POU2F2: variants seen among roughly 807,000 people sequenced by gnomAD.
The protein encoded by POU2F2 is POU domain, class 2, transcription factor 2.
POU2F2 carries 14 observed loss-of-function variants against 63.5 expected under a neutral mutation model. The ratio of observed to expected loss-of-function variants is 0.22; its 90% confidence interval spans 0.15 to 0.34. The LOEUF is 0.34. POU2F2 is among the 10% of genes least tolerant of loss of function. POU2F2 has a pLI of 1.00. For missense variants in POU2F2, 607 were observed against 815.2 expected (o/e 0.74, Z 3.11); for synonymous variants, 306 against 348.6 (o/e 0.88, Z 1.36).
chr19:42,111,582 C>G (rs1384486443), intron 5 of POU2F2, among the ~76,000 whole-genome samples: 1 of 152,164 alleles, frequency 6.6e-6, no homozygotes, highest in Admixed American at 6.5e-5. Context: ...TCTACCCCAG[C>G]CTTCCAAAAC....
intron 2 of POU2F2, among the ~76,000 whole-genome samples, chr19:42,137,963 A>C (rs1430705561): frequency 6.6e-6 from 1 of 152,158 alleles, no homozygotes; most frequent in Non-Finnish European, 1.5e-5. Flanking sequence ...AGAAGAGAAG[A>C]TAGGAGACGA....
chr19:42,166,647 G>A (rs1486170532), intron 1 of POU2F2, among the ~76,000 whole-genome samples: 3 of 152,146 alleles, frequency 2.0e-5, no homozygotes, highest in Non-Finnish European at 2.9e-5. Flanking sequence ...GGGGTGAGCA[G>A]ATCTGACAAT....
rs755316278 is a variant in POU2F2 at position 42,117,334 on chromosome 19, G to A, written c.285C>T (p.Ala95=). The change falls in exon 5 of 15, where the codon GCC becomes GCT. Residue 95 remains alanine (A), a synonymous_variant. Transcript: ENST00000692977. The surrounding 1 kb of genome is among the most constrained non-coding windows in gnomAD (Gnocchi z 4.4). ...IKAEDPSGDS[A]PAAPLPPQPA... is the part of the protein sequence containing the mutation. The stretch of plus-strand genomic sequence containing the variant: ...GCTGAGGGGGCAGGGGTGCTGCTGG[G>A]GCTGAATCGCCACTGGGGTCTTCAG... 6.5e-7 allele frequency: 1 copy of A among 1,529,410 alleles called. No individual in the cohort carries two copies. The highest frequency in any genetic ancestry group is 1.5e-5 in the African/African-American group (1 of 68,642). 94.7% of individuals were successfully genotyped at this position (1,529,410 alleles called of 1,614,324 possible).
chr19:42,148,366 G>A (rs1425276027), intron 2 of POU2F2, among the ~76,000 whole-genome samples: 1 of 152,192 alleles, frequency 6.6e-6, no homozygotes, highest in Non-Finnish European at 1.5e-5. Flanking sequence ...TCAGGCATAA[G>A]CAAGCATATA....
upstream of POU2F2, among the ~76,000 whole-genome samples, chr19:42,179,235 G>A (rs561546582): frequency 1.3e-5 from 2 of 152,110 alleles, no homozygotes; most frequent in Non-Finnish European, 2.9e-5. Flanking sequence ...AAGAACAGCA[G>A]AAAGGAGAGG....
At chr19:42,127,712 T>G (rs999514150) in intron 1 of POU2F2, among the ~76,000 whole-genome samples, 2 of 152,032 alleles carry the variant, frequency 1.3e-5, no homozygotes, top group African/African-American at 4.8e-5. Flanking sequence ...ACCACCACCT[T>G]GATGCCCCCA....
chr19:42,105,457 C>G (rs1255245268), intron 5 of POU2F2, among the ~76,000 whole-genome samples: 2 of 152,218 alleles, frequency 1.3e-5, no homozygotes, highest in Admixed American at 6.5e-5. Context: ...TTCTGATTTC[C>G]TATAACCCTT....
At chr19:42,118,789 G>C (rs2146587887) in intron 4 of POU2F2, among the ~76,000 whole-genome samples, 1 of 152,346 alleles carries the variant, frequency 6.6e-6, no homozygotes, top group East Asian at 1.9e-4. Context: ...AGTGGACAGT[G>C]AGTTTATCCT....
upstream of POU2F2, among the ~76,000 whole-genome samples, chr19:42,179,991 T>C (rs909337116): frequency 6.6e-6 from 1 of 152,046 alleles, no homozygotes; most frequent in Non-Finnish European, 1.5e-5. Context: ...AATACCCCCA[T>C]ACAGAGCAGA....
At chr19:42,168,325 T>G (rs753094630) in intron 1 of POU2F2, among the ~76,000 whole-genome samples, 44 of 152,244 alleles carry the variant, frequency 2.9e-4, no homozygotes, top group Non-Finnish European at 5.0e-4. Context: ...TCAAAACTGT[T>G]TTGTGGTTAT....
intron 1 of POU2F2, among the ~76,000 whole-genome samples, chr19:42,195,080 AGGGAGGAAGGGAGGAAGGAAGGGAGGG>A (rs2035123327): frequency 2.0e-4 from 1 of 5,078 alleles, no homozygotes; most frequent in Non-Finnish European, 3.8e-4. Context: ...GAAGGAAGGG[AGGGAGGAAGGGAGGAAGGAAGGGAGGG>A]AGGGAGGGAG....
intron 7 of POU2F2, among the ~76,000 whole-genome samples, chr19:42,098,431 A>G (rs9676263): frequency 6.6e-6 from 1 of 150,662 alleles, no homozygotes; most frequent in African/African-American, 2.5e-5. Flanking sequence ...AAAAAAAAAC[A>G]AAAAGAAAGA....
intron 1 of POU2F2, among the ~76,000 whole-genome samples, chr19:42,184,016 T>G (rs2146818363): frequency 6.6e-6 from 1 of 150,792 alleles, no homozygotes; most frequent in South Asian, 2.1e-4. Flanking sequence ...TTTTTTTTTT[T>G]TGAGACAGGG....
intron 1 of POU2F2, among the ~76,000 whole-genome samples, chr19:42,190,624 C>A (rs1364654454): frequency 1.3e-5 from 2 of 152,052 alleles, no homozygotes; most frequent in Non-Finnish European, 2.9e-5. Context: ...GAGGCCGAGG[C>A]AGGCTGATCA....
intron 1 of POU2F2, among the ~76,000 whole-genome samples, chr19:42,127,198 T>C (rs1357132679): frequency 6.6e-6 from 1 of 151,808 alleles, no homozygotes; most frequent in Non-Finnish European, 1.5e-5. Flanking sequence ...CAAATGATCC[T>C]CATGCCTTGG....
intron 5 of POU2F2, chr19:42,110,445 C>T (rs2030896258): frequency 6.3e-6 from 1 of 158,206 alleles, no homozygotes; most frequent in Non-Finnish European, 1.4e-5. Flanking sequence ...CTGGCAACAA[C>T]ACCAACAAGG....
intron 1 of POU2F2, among the ~76,000 whole-genome samples, chr19:42,161,070 G>A (rs1273928691): frequency 6.6e-6 from 1 of 152,168 alleles, no homozygotes; most frequent in African/African-American, 2.4e-5. Flanking sequence ...CAGGCAAGTT[G>A]AGGAGACAGA....
In POU2F2 at chr19:42,107,363, T is replaced by C. The variant is rs368381402; in HGVS notation, c.370-7542A>G. 1.3e-4 allele frequency among the ~76,000 whole-genome samples: 20 copies of C among 152,112 alleles called. 1 individual carries two copies. Among genetic ancestry groups the C allele is most frequent in the Admixed American group, 1.1e-3 (17 of 15,270 alleles). ...GAGTGAGACTCCGTCTCAAAAAAAA[T>C]TAATTAATTAAAATTTAAAAAAATA... On this transcript the variant is annotated intron_variant, in intron 5 of 14. Coordinates refer to ENST00000692977, the MANE Select transcript of POU2F2 (RefSeq NM_001394376.1).
rs531035575 is a variant in POU2F2, at chr19:42,095,162, T to C, written c.1197+124A>G. ...AACTGTGCCCATCTACGTGATGGCC[T>C]GTCTCCAAGAGTGACTCTTCTTGTC... On this transcript the variant is annotated intron_variant, in intron 11 of 14. Transcript: ENST00000692977. The surrounding 1 kb of genome is among the most constrained non-coding windows in gnomAD (Gnocchi z 7.1). 1.8e-5 allele frequency: 22 copies of C among 1,245,104 alleles called. 1 individual carries two copies. The South Asian group carries it at 3.0e-4, about 17-fold the overall frequency. 77.1% of individuals were successfully genotyped at this position (1,245,104 alleles called of 1,614,324 possible).
Sources: allele counts gnomAD v4.1 joint callset (sites outside exome capture counted in the v4.1 genomes callset), GRCh38; gene constraint gnomAD v4.1.1; non-coding constraint Gnocchi (gnomAD v3.1); transcripts MANE v1.5; gene names NCBI Gene and HGNC (gene_info 2026-07-23, HGNC 2026-07-21).